Variants in GTF2F2 observed in about 807,000 individuals in gnomAD.
GTF2F2 encodes the protein general transcription factor IIF subunit 2, also known as ATP-dependent helicase GTF2F2.
GTF2F2 carries 23 observed loss-of-function variants against 42.2 expected under a neutral mutation model. The ratio of observed to expected loss-of-function variants is 0.55; its 90% CI spans 0.39 to 0.77. The LOEUF (loss-of-function observed/expected upper bound fraction) is 0.77. Among genes scored for constraint, GTF2F2 ranks in the 30% least tolerant of loss-of-function variants. GTF2F2 has a pLI of 0.00. For missense variants in GTF2F2, 261 were observed against 287.2 expected (o/e 0.91, Z 0.66); for synonymous variants, 105 against 100.8 (o/e 1.04, Z -0.25).
chr13:45,213,101 C>A (rs1873759485), intron 5 of GTF2F2, among the ~76,000 whole-genome samples: 1 of 149,700 alleles, frequency 6.7e-6, no homozygotes, highest in Admixed American at 6.7e-5. Flanking sequence ...TTTTTTGAGA[C>A]AGAGTCTCGC....
intron 1 of GTF2F2, among the ~76,000 whole-genome samples, chr13:45,124,691 A>T (rs980092864): frequency 6.6e-6 from 1 of 152,064 alleles, no homozygotes; most frequent in Non-Finnish European, 1.5e-5. Flanking sequence ...CAGCCTCCCG[A>T]ATAGCTGGGA....
intron 5 of GTF2F2, among the ~76,000 whole-genome samples, chr13:45,252,166 A>G (rs1414177062): frequency 6.6e-6 from 1 of 152,156 alleles, no homozygotes; most frequent in Non-Finnish European, 1.5e-5. Flanking sequence ...TTTCTGAGAC[A>G]TGGTCTCTCT....
At chr13:45,128,054 G>T (rs1216093987) in intron 1 of GTF2F2, among the ~76,000 whole-genome samples, 3 of 137,728 alleles carry the variant, frequency 2.2e-5, no homozygotes, top group Non-Finnish European at 4.6e-5. Flanking sequence ...TCTGCCTCCC[G>T]GATTCACGCC....
At chr13:45,181,351 C>T (rs1872161614) in intron 4 of GTF2F2, among the ~76,000 whole-genome samples, 1 of 151,932 alleles carries the variant, frequency 6.6e-6, no homozygotes, top group Non-Finnish European at 1.5e-5. Context: ...TTATTTTTCA[C>T]AGTAGATTTA....
At chr13:45,234,577 T>A (rs1408719489) in intron 5 of GTF2F2, among the ~76,000 whole-genome samples, 1 of 152,232 alleles carries the variant, frequency 6.6e-6, no homozygotes. Flanking sequence ...ATATTTATTT[T>A]ATTAAAGTTA....
At chr13:45,216,323 G>A (rs1246644353) in intron 5 of GTF2F2, among the ~76,000 whole-genome samples, 2 of 152,200 alleles carry the variant, frequency 1.3e-5, no homozygotes, top group African/African-American at 4.8e-5. Flanking sequence ...CTTTAAGATA[G>A]GGGGAGTGAA....
chr13:45,230,491 G>A (rs1396357442), intron 5 of GTF2F2, among the ~76,000 whole-genome samples: 6 of 152,126 alleles, frequency 3.9e-5, no homozygotes, highest in Admixed American at 2.6e-4. Context: ...ATGGCTTTTC[G>A]TCTCAAGGTT....
At chr13:45,271,627 C>G (rs1876797859) in intron 7 of GTF2F2, among the ~76,000 whole-genome samples, 1 of 151,996 alleles carries the variant, frequency 6.6e-6, no homozygotes, top group South Asian at 2.1e-4. Flanking sequence ...TCTCAGCTCA[C>G]TACAACCTCC....
At chr13:45,147,854 G>A (rs1444051654) in intron 2 of GTF2F2, among the ~76,000 whole-genome samples, 1 of 152,088 alleles carries the variant, frequency 6.6e-6, no homozygotes, top group Non-Finnish European at 1.5e-5. Context: ...CCATGTTTTC[G>A]ACTTCATCCC....
intron 5 of GTF2F2, among the ~76,000 whole-genome samples, chr13:45,223,966 A>G (rs1278861087): frequency 1.3e-5 from 2 of 152,208 alleles, no homozygotes; most frequent in African/African-American, 2.4e-5. Context: ...GTAACTTAAA[A>G]TTTTTAGTTC....
intron 5 of GTF2F2, among the ~76,000 whole-genome samples, chr13:45,212,862 C>T (rs970412372): frequency 2.0e-5 from 3 of 152,032 alleles, no homozygotes; most frequent in African/African-American, 7.2e-5. Context: ...CCACCTCAGC[C>T]TCCTGAGTAG....
At chr13:45,283,384 T>G in intron 7 of GTF2F2, 58 bp from the exon 8 acceptor site, 1 of 1,500,684 alleles carries the variant, frequency 6.7e-7, no homozygotes, top group South Asian at 1.2e-5. Flanking sequence ...CATCTTATTT[T>G]AAGTTTTGTC....
At chr13:45,200,575 T>G (rs1365888963) in intron 4 of GTF2F2, among the ~76,000 whole-genome samples, 1 of 152,204 alleles carries the variant, frequency 6.6e-6, no homozygotes, top group Admixed American at 6.5e-5. Context: ...ATTACAGATG[T>G]GAGCCACCAT....
In GTF2F2 at chr13:45,238,493, A is replaced by C. The variant is rs897285019; in HGVS notation, c.387-14378A>C. ...AAAGCATTAGCAGTAAGTTTCTTCT[A>C]TCACATGCTGTCCCTTATGCCTCCC... On this transcript the variant is annotated intron_variant, in intron 5 of 7. Transcript: ENST00000340473. Among the ~76,000 whole-genome samples the C allele has an allele frequency of 5.3e-5, 8 of 152,234 alleles. No individual in the cohort carries two copies. The East Asian group carries it at 1.5e-3, about 29-fold the overall frequency.
At chr13:45,187,993 C>A (rs1029017950) in intron 4 of GTF2F2, among the ~76,000 whole-genome samples, 1 of 152,284 alleles carries the variant, frequency 6.6e-6, no homozygotes, top group East Asian at 1.9e-4. Flanking sequence ...GCTATAACCA[C>A]CTCCTGGGTT....
At chr13:45,236,514 CACACACACACACACAA>C (rs1874995171) in intron 5 of GTF2F2, among the ~76,000 whole-genome samples, 1 of 151,616 alleles carries the variant, frequency 6.6e-6, no homozygotes, top group African/African-American at 2.4e-5. Context: ...CACACACACA[CACACACACACACACAA>C]GTTTATGAGG....
intron 5 of GTF2F2, among the ~76,000 whole-genome samples, chr13:45,245,954 A>G (rs1339484640): frequency 6.7e-6 from 1 of 149,164 alleles, no homozygotes; most frequent in Non-Finnish European, 1.5e-5. Flanking sequence ...AAAAAAAAAA[A>G]AAGTATTCCC....
intron 4 of GTF2F2, among the ~76,000 whole-genome samples, chr13:45,191,224 A>AAAAAAAAAAAAAAATATATATATATATAT: frequency 1.3e-5 from 1 of 75,346 alleles, no homozygotes; most frequent in African/African-American, 1.0e-4. Flanking sequence ...ACAAAAAAAA[A>AAAAAAAAAAAAAAATATATATATATATAT]ATATATATAT....
chr13:45,235,836 C>A (rs1307506274), intron 5 of GTF2F2, among the ~76,000 whole-genome samples: 1 of 151,962 alleles, frequency 6.6e-6, no homozygotes, highest in African/African-American at 2.4e-5. Context: ...AACTCCTGAC[C>A]TCAGGTGATC....
Sources: allele counts gnomAD v4.1 joint callset (sites outside exome capture counted in the v4.1 genomes callset), GRCh38; gene constraint gnomAD v4.1.1; transcripts MANE v1.5; gene names NCBI Gene and HGNC (gene_info 2026-07-23, HGNC 2026-07-21).